The following CA10 variants were observed in gnomAD, a reference collection of about 807,000 sequenced individuals.
CA10 encodes the protein carbonic anhydrase 10 (inactive), also known as carbonic anhydrase-related protein 10.
CA10 carries 14 observed loss-of-function variants against 44.2 expected under a neutral mutation model. The observed-to-expected ratio is 0.32, with a 90% CI of 0.21 to 0.50. The LOEUF (loss-of-function observed/expected upper bound fraction) is 0.50, where lower values mean the gene tolerates loss of function less well. Among genes scored for constraint, CA10 ranks in the 20% least tolerant of loss-of-function variants. CA10 has a pLI of 0.99. For missense variants in CA10, 350 were observed against 409.7 expected (o/e 0.85, Z 1.26); for synonymous variants, 159 against 141.6 (o/e 1.12, Z -0.87).
At chr17:52,119,427 A>G (rs1172643416) in intron 1 of CA10, among the ~76,000 whole-genome samples, 1 of 152,194 alleles carries the variant, frequency 6.6e-6, no homozygotes, top group East Asian at 1.9e-4. Context: ...AACTGGCCTC[A>G]CACCTTGTAT....
At chr17:52,104,103 G>C (rs1406664504) in intron 1 of CA10, among the ~76,000 whole-genome samples, 2 of 151,826 alleles carry the variant, frequency 1.3e-5, no homozygotes, top group Non-Finnish European at 2.9e-5. Flanking sequence ...ATAATATAAG[G>C]ACATCTGTTA....
intron 4 of CA10, among the ~76,000 whole-genome samples, chr17:51,659,631 T>A (rs1300554354): frequency 6.6e-6 from 1 of 152,196 alleles, no homozygotes. Flanking sequence ...AAGTTAGTCA[T>A]CATCACCACT....
At chr17:51,836,855 A>C (rs1328333132) in intron 3 of CA10, among the ~76,000 whole-genome samples, 1 of 152,150 alleles carries the variant, frequency 6.6e-6, no homozygotes, top group Non-Finnish European at 1.5e-5. Flanking sequence ...AGAGGAATAT[A>C]CTTGAGTATA....
chr17:51,958,701 A>G (rs1983758953), intron 2 of CA10, among the ~76,000 whole-genome samples: 1 of 152,226 alleles, frequency 6.6e-6, no homozygotes, highest in Non-Finnish European at 1.5e-5. Flanking sequence ...CAGGCTAAGG[A>G]AAATTATTTT....
chr17:51,657,947 G>C (rs949965596), intron 4 of CA10, among the ~76,000 whole-genome samples: 2 of 152,192 alleles, frequency 1.3e-5, no homozygotes, highest in African/African-American at 4.8e-5. Context: ...AGTTTAGTTG[G>C]CATTACCATG....
chr17:52,012,247 C>A (rs1279323068), intron 2 of CA10, among the ~76,000 whole-genome samples: 1 of 151,956 alleles, frequency 6.6e-6, no homozygotes, highest in South Asian at 2.1e-4. Flanking sequence ...CTTACAACAA[C>A]CTTAGTTCAG....
At chr17:51,931,604 A>G (rs1982662838) in intron 2 of CA10, among the ~76,000 whole-genome samples, 1 of 152,136 alleles carries the variant, frequency 6.6e-6, no homozygotes, top group African/African-American at 2.4e-5. Context: ...TTGGGTTGTC[A>G]AGACTAAACT....
At chr17:51,955,024 A>T (rs759337857) in intron 2 of CA10, among the ~76,000 whole-genome samples, 7 of 152,158 alleles carry the variant, frequency 4.6e-5, no homozygotes, top group Non-Finnish European at 1.0e-4. Flanking sequence ...ACCTTCCCAC[A>T]GAATACACTG....
chr17:51,660,990 A>T (rs140844628), intron 4 of CA10, among the ~76,000 whole-genome samples: 1 of 151,962 alleles, frequency 6.6e-6, no homozygotes, highest in Non-Finnish European at 1.5e-5. Context: ...CCTACTTATG[A>T]ACTCCTTTGT....
intron 4 of CA10, among the ~76,000 whole-genome samples, chr17:51,716,797 C>T (rs1916127324): frequency 6.6e-6 from 1 of 152,160 alleles, no homozygotes; most frequent in African/African-American, 2.4e-5. Context: ...AATCTTAAGA[C>T]CTATTACTGA....
chr17:52,112,990 A>G (rs1327783803), intron 1 of CA10, among the ~76,000 whole-genome samples: 1 of 152,226 alleles, frequency 6.6e-6, no homozygotes, highest in African/African-American at 2.4e-5. Flanking sequence ...AAAAAGCTCA[A>G]GCAGAGATTT....
intron 1 of CA10, chr17:52,135,006 C>T (rs764913654): frequency 3.9e-6 from 2 of 518,110 alleles, no homozygotes; most frequent in Non-Finnish European, 7.7e-6. Flanking sequence ...GCATCTCCAA[C>T]CCAGACTGCC....
At chr17:51,850,359 G>A (rs997918649) in intron 3 of CA10, among the ~76,000 whole-genome samples, 4 of 152,116 alleles carry the variant, frequency 2.6e-5, no homozygotes, top group Non-Finnish European at 4.4e-5. Context: ...ATAATCCACC[G>A]AACTTACAAA....
chr17:51,636,085 C>CAT (rs370275895), intron 6 of CA10, 76 bp from the exon 7 acceptor site: 634 of 750,594 alleles, frequency 8.4e-4, no homozygotes, highest in African/African-American at 8.4e-3. Flanking sequence ...TACATACATA[C>CAT]ATACATATAC....
rs989121771 is a variant in CA10 at position 51,631,758 on chromosome 17, C to T, written c.965-152G>A. ...TACTTATATGCATTCCAACTACTCC[C>T]TTCCAATTCTCCATGACCTTCTAGG... On this transcript the variant is annotated intron_variant, in intron 8 of 8. Coordinates refer to ENST00000451037, the MANE Select transcript of CA10 (RefSeq NM_020178.5). 1.3e-5 allele frequency: 9 copies of T among 685,058 alleles called. No homozygotes were observed. The African/African-American group carries it at 1.4e-4, about 11-fold the overall frequency. The allele number at this position is 685,058 out of a possible 1,614,324, so 42.4% of individuals were successfully genotyped here.
intron 3 of CA10, among the ~76,000 whole-genome samples, chr17:51,915,805 C>T (rs1459502985): frequency 6.6e-6 from 1 of 152,098 alleles, no homozygotes; most frequent in African/African-American, 2.4e-5. Flanking sequence ...ATATGGCTCA[C>T]TCCAGTATCT....
intron 3 of CA10, among the ~76,000 whole-genome samples, chr17:51,910,167 G>A (rs1981731174): frequency 6.6e-6 from 1 of 152,070 alleles, no homozygotes; most frequent in Admixed American, 6.6e-5. Context: ...GGGGGGAGGA[G>A]AGGCTTAGAG....
intron 2 of CA10, among the ~76,000 whole-genome samples, chr17:52,037,789 G>A (rs1986660056): frequency 6.6e-6 from 1 of 151,934 alleles, no homozygotes; most frequent in African/African-American, 2.4e-5. Context: ...CTGTGCCTTT[G>A]GTCATCCTGC....
chr17:51,811,918 C>T (rs578094415), intron 3 of CA10, among the ~76,000 whole-genome samples: 109 of 152,222 alleles, frequency 7.2e-4, no homozygotes, highest in African/African-American at 2.4e-3. Flanking sequence ...AGAGTGAAGC[C>T]CTGCTTCCTT....
Sources: gnomAD v4.1 joint callset for allele counts (sites outside exome capture counted in the v4.1 genomes callset) on GRCh38, gnomAD v4.1.1 for gene constraint, MANE v1.5 for transcripts, NCBI Gene and HGNC (gene_info 2026-07-23, HGNC 2026-07-21) for gene names.